Variants in ARHGAP12 observed in about 807,000 individuals in gnomAD.
ARHGAP12 encodes the protein rho GTPase-activating protein 12.
Under a neutral mutation model 108.6 loss-of-function variants are expected in ARHGAP12, and 64 were observed. The observed-to-expected ratio is 0.59, with a 90% CI of 0.48 to 0.73. The LOEUF is 0.73. Ranked by LOEUF, ARHGAP12 falls within the 30% of genes least tolerant of loss-of-function variation. The pLI is 0.00. For missense variants in ARHGAP12, 940 were observed against 1,005.9 expected, an observed-to-expected ratio of 0.93 and a Z score of 0.89; for synonymous variants, 312 against 337.2, an observed-to-expected ratio of 0.93 and a Z score of 0.82.
intron 6 of ARHGAP12, among the ~76,000 whole-genome samples, chr10:31,845,137 T>C (rs774785205): frequency 9.9e-5 from 15 of 152,234 alleles, no homozygotes; most frequent in East Asian, 3.9e-4. Context: ...CTGCTGCTAA[T>C]GTAAATAGTA....
At chr10:31,874,070 T>C (rs568326684) in intron 3 of ARHGAP12, among the ~76,000 whole-genome samples, 2 of 152,308 alleles carry the variant, frequency 1.3e-5, no homozygotes, top group South Asian at 4.1e-4. Flanking sequence ...ATGGTACAAC[T>C]GCAAATGAAA....
At chr10:31,836,743 G>A (rs1406792445) in intron 9 of ARHGAP12, among the ~76,000 whole-genome samples, 1 of 152,128 alleles carries the variant, frequency 6.6e-6, no homozygotes, top group East Asian at 1.9e-4. Context: ...AGAGACGCAA[G>A]AATACCAGAA....
intron 1 of ARHGAP12, among the ~76,000 whole-genome samples, chr10:31,916,709 C>T (rs548682312): frequency 3.3e-5 from 5 of 152,158 alleles, no homozygotes; most frequent in South Asian, 4.1e-4. Context: ...CTCTGCCACC[C>T]GGGTTCAAGC....
chr10:31,872,111 T>A (rs1837562923), intron 3 of ARHGAP12, among the ~76,000 whole-genome samples: 1 of 152,204 alleles, frequency 6.6e-6, no homozygotes, highest in Non-Finnish European at 1.5e-5. Flanking sequence ...TCTCTTCATC[T>A]TCAGAGCCTA....
intron 3 of ARHGAP12, among the ~76,000 whole-genome samples, chr10:31,882,083 T>C (rs947220656): frequency 6.6e-5 from 10 of 152,002 alleles, no homozygotes; most frequent in African/African-American, 2.4e-4. Flanking sequence ...CCCGGCTAAT[T>C]TTTTGTATTT....
At chr10:31,907,539 T>G (rs1592368497) in intron 3 of ARHGAP12, among the ~76,000 whole-genome samples, 1 of 149,390 alleles carries the variant, frequency 6.7e-6, no homozygotes, top group Non-Finnish European at 1.5e-5. Context: ...GAAGCTGAGG[T>G]GAGAAGATCA....
At chr10:31,839,806 CA>C in intron 7 of ARHGAP12, 95 bp from the exon 8 acceptor site, 1 of 953,028 alleles carries the variant, frequency 1.0e-6, no homozygotes, top group Non-Finnish European at 1.5e-6. Flanking sequence ...GAGAGAATAA[CA>C]AATTTTTTCC....
intron 3 of ARHGAP12, among the ~76,000 whole-genome samples, chr10:31,902,633 T>C (rs948793603): frequency 1.3e-5 from 2 of 150,572 alleles, no homozygotes; most frequent in African/African-American, 4.9e-5. Context: ...ATCGTGCCAC[T>C]GCACTCCAGC....
At chr10:31,854,623 T>C (rs1053481479) in intron 4 of ARHGAP12, among the ~76,000 whole-genome samples, 21 of 152,272 alleles carry the variant, frequency 1.4e-4, no homozygotes, top group African/African-American at 4.1e-4. Context: ...ACCACAAGCA[T>C]ATAGCCACAT....
At chr10:31,849,682 T>C (rs1043916484) in intron 6 of ARHGAP12, among the ~76,000 whole-genome samples, 13 of 152,176 alleles carry the variant, frequency 8.5e-5, no homozygotes, top group African/African-American at 2.9e-4. Context: ...CCATATCCAA[T>C]TTAATTGAGA....
chr10:31,853,142 T>C (rs1836762709), intron 5 of ARHGAP12, among the ~76,000 whole-genome samples: 1 of 152,222 alleles, frequency 6.6e-6, no homozygotes, highest in South Asian at 2.1e-4. Flanking sequence ...CTCCAATGTC[T>C]GGCTAGCTGC....
chr10:31,918,032 T>G (rs1839634758), intron 1 of ARHGAP12, among the ~76,000 whole-genome samples: 1 of 151,980 alleles, frequency 6.6e-6, no homozygotes, highest in Non-Finnish European at 1.5e-5. Flanking sequence ...CATAGCTCAC[T>G]GCAGCCTTAA....
At chr10:31,831,119 T>C (rs962619412) in intron 10 of ARHGAP12, among the ~76,000 whole-genome samples, 1 of 152,170 alleles carries the variant, frequency 6.6e-6, no homozygotes, top group African/African-American at 2.4e-5. Flanking sequence ...GATAAACAAC[T>C]GACATGTCTA....
At chr10:31,865,031 A>G (rs1592308346) in intron 3 of ARHGAP12, among the ~76,000 whole-genome samples, 1 of 152,164 alleles carries the variant, frequency 6.6e-6, no homozygotes, top group East Asian at 1.9e-4. Context: ...AAGCTAGGAA[A>G]AACAGCATGG....
At chr10:31,895,779 C>T (rs1838657311) in intron 3 of ARHGAP12, among the ~76,000 whole-genome samples, 1 of 152,172 alleles carries the variant, frequency 6.6e-6, no homozygotes. Flanking sequence ...GCTATAAAGA[C>T]ACATGCACAC....
chr10:31,902,449 G>C (rs1019037823), intron 3 of ARHGAP12, among the ~76,000 whole-genome samples: 2 of 152,030 alleles, frequency 1.3e-5, no homozygotes, highest in East Asian at 3.9e-4. Flanking sequence ...GCTGAGGCAA[G>C]AGTATCACTT....
chr10:31,927,262 AGAGGAG>A (rs1417040211), intron 1 of ARHGAP12, among the ~76,000 whole-genome samples: 5 of 152,344 alleles, frequency 3.3e-5, no homozygotes, highest in African/African-American at 1.2e-4. Flanking sequence ...TATTCAGACC[AGAGGAG>A]GTAGAGGAAG....
At chr10:31,828,746 C>A (rs1266272809) in intron 10 of ARHGAP12, among the ~76,000 whole-genome samples, 3 of 152,020 alleles carry the variant, frequency 2.0e-5, no homozygotes, top group Non-Finnish European at 4.4e-5. Context: ...AACTGATGTA[C>A]ATACTATAGT....
rs2132398162 is a variant in ARHGAP12, at chr10:31,890,240, GT to G, written c.684+17931del. Among the ~76,000 whole-genome samples the G allele has an allele frequency of 5.9e-5, 9 of 152,190 alleles. 3 individuals carry two copies. Among genetic ancestry groups the G allele is most frequent in the Admixed American group, 5.9e-4 (9 of 15,278 alleles). On this transcript the variant is annotated intron_variant, in intron 3 of 19. Transcript: ENST00000344936. Reference sequence around the variant, plus strand: ...CTAAATCAGTTTCAACCCAAGTTCAGTCCCCACATTGTCCTAAATTTTAAAA... The same window carrying G: ...CTAAATCAGTTTCAACCCAAGTTCAGCCCCACATTGTCCTAAATTTTAAAA...
Sources: gnomAD v4.1 joint callset for allele counts (sites outside exome capture counted in the v4.1 genomes callset) on GRCh38, gnomAD v4.1.1 for gene constraint, MANE v1.5 for transcripts, NCBI Gene and HGNC (gene_info 2026-07-23, HGNC 2026-07-21) for gene names.